CADPS: variants seen among roughly 807,000 people sequenced by gnomAD.
The protein encoded by CADPS is calcium-dependent secretion activator 1.
Under a neutral mutation model 167.3 loss-of-function variants are expected in CADPS, and 57 were observed. The observed-to-expected ratio is 0.34, with a 90% CI of 0.28 to 0.42. The LOEUF is 0.42. CADPS is among the 20% of genes least tolerant of loss of function. CADPS has a pLI of 1.00. For synonymous variants in CADPS, 676 were observed against 635.3 expected (o/e 1.06, Z -0.96); for missense variants, 1,414 against 1,738.1 (o/e 0.81, Z 3.32).
At chr3:62,679,096 A>T (rs1258383615) in intron 3 of CADPS, among the ~76,000 whole-genome samples, 2 of 151,900 alleles carry the variant, frequency 1.3e-5, no homozygotes, top group Non-Finnish European at 2.9e-5. Flanking sequence ...AATTCCTGAA[A>T]AAAAGTGAGC....
chr3:62,598,034 G>T (rs1051500887), intron 6 of CADPS, among the ~76,000 whole-genome samples: 1 of 151,996 alleles, frequency 6.6e-6, no homozygotes, highest in Non-Finnish European at 1.5e-5. Context: ...GCCATTCAAG[G>T]TACTAAAATA....
At chr3:62,532,829 A>T in intron 13 of CADPS, 42 bp downstream of exon 13, 4 of 1,587,210 alleles carry the variant, frequency 2.5e-6, no homozygotes, top group Non-Finnish European at 3.5e-6. Flanking sequence ...TGCCAGTGCC[A>T]TTTCTTAAGG....
chr3:62,869,232 T>C (rs1301259242), intron 1 of CADPS, among the ~76,000 whole-genome samples: 2 of 152,124 alleles, frequency 1.3e-5, no homozygotes, highest in South Asian at 2.1e-4. Flanking sequence ...CCCTTCATCA[T>C]CTAGCTTTTT....
Position 62,781,182 on chromosome 3 carries a change from G to A in CADPS, c.442-15198C>T, listed in dbSNP as rs138403333. Among the ~76,000 whole-genome samples the A allele has an allele frequency of 4.2e-3, 640 of 152,214 alleles. 3 individuals are homozygous for A. The highest frequency in any genetic ancestry group is 0.02 in the Middle Eastern group (6 of 294). The stretch of plus-strand genomic sequence containing the variant: ...ATATTCACATAAAACATAACCAGGA[G>A]ACTTGTCCTAGGGCAGACTCCACAA... On this transcript the variant is annotated intron_variant, in intron 1 of 29. Coordinates refer to ENST00000383710, the MANE Select transcript of CADPS (RefSeq NM_003716.4).
intron 13 of CADPS, among the ~76,000 whole-genome samples, chr3:62,530,502 AT>A (rs201114734): frequency 0.022 from 3,318 of 151,854 alleles, 125 homozygotes; most frequent in African/African-American, 0.076. Flanking sequence ...CATTGCTAGA[AT>A]TTTTTTTTAA....
In CADPS at chr3:62,420,879, C is replaced by A. The variant is rs2051173020; in HGVS notation, c.3777+17225G>T. On this transcript the variant is annotated intron_variant, in intron 28 of 29. Transcript: ENST00000383710. The surrounding 1 kb of genome is among the most constrained non-coding windows in gnomAD (Gnocchi z 4.1). The stretch of plus-strand genomic sequence containing the variant: ...GAGAACGAACACACACACACACACA[C>A]ACACACACACACACACACACACAGG... Among the ~76,000 whole-genome samples, 1 of 131,934 alleles carries A rather than the reference C, an allele frequency of 7.6e-6. No homozygotes were observed. Among genetic ancestry groups the A allele is most frequent in the African/African-American group, 3.2e-5 (1 of 31,238 alleles). The allele number at this position is 131,934 out of a possible 152,430, so 86.6% of individuals were successfully genotyped here.
intron 10 of CADPS, among the ~76,000 whole-genome samples, chr3:62,556,709 T>G (rs1577728646): frequency 6.7e-6 from 1 of 149,744 alleles, no homozygotes; most frequent in African/African-American, 2.5e-5. Flanking sequence ...ATAAAATGGG[T>G]GGGGGGAGAG....
chr3:62,544,950 C>T lies in CADPS; in HGVS notation c.1966+4953G>A. On this transcript the variant is annotated intron_variant, in intron 11 of 29. Coordinates refer to ENST00000383710, the MANE Select transcript of CADPS (RefSeq NM_003716.4). This position sits in a 1 kb window ranked among gnomAD's most constrained non-coding sequence, Gnocchi z 4.4. ...AAAGCAGACAGGAGTTCTAACCTAG[C>T]AGCCTAAGTTCTTGGGTTCGAGCAA... 1.4e-6 allele frequency: 1 copy of T among 693,124 alleles called. No individual in the cohort carries two copies. Among genetic ancestry groups the T allele is most frequent in the South Asian group, 2.3e-5 (1 of 43,270 alleles). The allele number at this position is 693,124 out of a possible 1,614,324, so 42.9% of individuals were successfully genotyped here.
At chr3:62,423,022 G>A (rs2051795079) in intron 28 of CADPS, among the ~76,000 whole-genome samples, 1 of 152,164 alleles carries the variant, frequency 6.6e-6, no homozygotes, top group Non-Finnish European at 1.5e-5. Context: ...AAAGATCTTA[G>A]AACACAGAGG....
At chr3:62,851,862 C>A (rs975662265) in intron 1 of CADPS, among the ~76,000 whole-genome samples, 30 of 151,744 alleles carry the variant, frequency 2.0e-4, no homozygotes, top group African/African-American at 7.3e-4. Context: ...TAACATCCTG[C>A]AGAGTGTTTT....
chr3:62,471,198 CA>C (rs2060563675), intron 24 of CADPS, among the ~76,000 whole-genome samples: 1 of 152,036 alleles, frequency 6.6e-6, no homozygotes, highest in South Asian at 2.1e-4. Flanking sequence ...ATGATTAAAC[CA>C]AAAGGCAACT....
At chr3:62,413,173 G>A (rs1401712148) in intron 28 of CADPS, among the ~76,000 whole-genome samples, 1 of 152,154 alleles carries the variant, frequency 6.6e-6, no homozygotes, top group African/African-American at 2.4e-5. Context: ...TGAATTTTCA[G>A]TTAGGAATAC....
At chr3:62,622,607 T>C (rs1475153028) in intron 6 of CADPS, among the ~76,000 whole-genome samples, 1 of 152,124 alleles carries the variant, frequency 6.6e-6, no homozygotes, top group Non-Finnish European at 1.5e-5. Flanking sequence ...TTTTTAGGGA[T>C]CCTGGTTCCT....
intron 1 of CADPS, among the ~76,000 whole-genome samples, chr3:62,818,361 G>A (rs567326339): frequency 2.6e-5 from 4 of 152,180 alleles, no homozygotes; most frequent in Non-Finnish European, 5.9e-5. Context: ...TCCAATCACC[G>A]AATTTGTAAA....
intron 3 of CADPS, among the ~76,000 whole-genome samples, chr3:62,751,273 C>G (rs1037637339): frequency 6.6e-6 from 1 of 152,018 alleles, no homozygotes; most frequent in African/African-American, 2.4e-5. Context: ...AATCAAAAAA[C>G]CATATATTTA....
At chr3:62,709,119 G>C (rs1423451673) in intron 3 of CADPS, among the ~76,000 whole-genome samples, 1 of 152,036 alleles carries the variant, frequency 6.6e-6, no homozygotes, top group Non-Finnish European at 1.5e-5. Context: ...TTCATTTAGG[G>C]TACCTCCAGC....
chr3:62,401,490 G>A (rs1706114551), intron 29 of CADPS, among the ~76,000 whole-genome samples: 3 of 152,190 alleles, frequency 2.0e-5, no homozygotes, highest in African/African-American at 7.2e-5. Flanking sequence ...AATGCTTGCT[G>A]AATAATAAAT....
At position 62,866,908 on chromosome 3, in the gene CADPS, A is replaced by G. The variant is rs1416589869; in HGVS notation, c.441+7681T>C. On this transcript the variant is annotated intron_variant, in intron 1 of 29. Coordinates refer to ENST00000383710, the MANE Select transcript of CADPS (RefSeq NM_003716.4). ...ATGTCCCCAGGGTCACAAAGTCAAC[A>G]TGTCACAGAGCTGACCAGGAATTTG... Among the ~76,000 whole-genome samples the G allele has an allele frequency of 2.0e-5, 3 of 152,184 alleles. No homozygotes were observed. In the East Asian group the frequency reaches 5.8e-4, roughly 29 times the overall value.
chr3:62,691,383 G>A (rs1197785504), intron 3 of CADPS, among the ~76,000 whole-genome samples: 1 of 151,982 alleles, frequency 6.6e-6, no homozygotes, highest in Non-Finnish European at 1.5e-5. Flanking sequence ...GCATCATTCT[G>A]TTGGGGGATG....
Sources: gnomAD v4.1 joint callset for allele counts (sites outside exome capture counted in the v4.1 genomes callset) on GRCh38, gnomAD v4.1.1 for gene constraint, Gnocchi (gnomAD v3.1) non-coding constraint, MANE v1.5 for transcripts, NCBI Gene and HGNC (gene_info 2026-07-23, HGNC 2026-07-21) for gene names.